KCNIP4: variants seen among roughly 807,000 people sequenced by gnomAD.
KCNIP4 encodes the protein potassium voltage-gated channel interacting protein 4.
A neutral mutation model predicts 34.0 loss-of-function variants in KCNIP4; 12 were observed. The ratio of observed to expected loss-of-function variants is 0.35; its 90% CI spans 0.23 to 0.57. The LOEUF (loss-of-function observed/expected upper bound fraction) is 0.57, where lower values mean the gene tolerates loss of function less well. Ranked by LOEUF, KCNIP4 falls within the 20% of genes least tolerant of loss-of-function variation. The probability of loss-of-function intolerance (pLI) is 0.83; values close to 1 mark genes in which losing one functional copy is unlikely to be tolerated. For missense variants in KCNIP4, 238 were observed against 311.7 expected, an observed-to-expected ratio of 0.76 and a Z score of 1.78; for synonymous variants, 124 against 102.2, an observed-to-expected ratio of 1.21 and a Z score of -1.29.
intron 1 of KCNIP4, among the ~76,000 whole-genome samples, chr4:21,568,860 T>C (rs1246059476): frequency 6.6e-6 from 1 of 152,100 alleles, no homozygotes; most frequent in Non-Finnish European, 1.5e-5. Context: ...CCTCTTCATA[T>C]ATTCATCTAT....
intron 1 of KCNIP4, among the ~76,000 whole-genome samples, chr4:21,725,086 G>T (rs907079865): frequency 6.6e-6 from 1 of 152,054 alleles, no homozygotes; most frequent in African/African-American, 2.4e-5. Context: ...GTAAATTTGG[G>T]ATATTATTTG....
At chr4:21,613,506 CCCCTGT>C (rs1470580714) in intron 1 of KCNIP4, 2 of 152,168 alleles carry the variant, frequency 1.3e-5, no homozygotes, top group African/African-American at 4.8e-5. Flanking sequence ...TCATGAGAGA[CCCCTGT>C]CCAGAAGAAC....
At chr4:21,908,894 T>C (rs1434380458) in intron 1 of KCNIP4, among the ~76,000 whole-genome samples, 1 of 152,164 alleles carries the variant, frequency 6.6e-6, no homozygotes, top group Non-Finnish European at 1.5e-5. Context: ...GGATCAAGCA[T>C]CAAAGTCAAC....
intron 3 of KCNIP4, among the ~76,000 whole-genome samples, chr4:20,768,264 A>G (rs1187384332): frequency 6.6e-6 from 1 of 152,186 alleles, no homozygotes; most frequent in African/African-American, 2.4e-5. Flanking sequence ...ATTTGCTCTG[A>G]TAATGTCCTT....
At chr4:21,179,720 T>G (rs2109319166) in intron 1 of KCNIP4, among the ~76,000 whole-genome samples, 1 of 152,306 alleles carries the variant, frequency 6.6e-6, no homozygotes, top group Middle Eastern at 3.4e-3. Context: ...TCTTTGAATT[T>G]CCTTGTATTC....
chr4:20,945,094 C>T (rs1732054766), intron 1 of KCNIP4, among the ~76,000 whole-genome samples: 1 of 152,168 alleles, frequency 6.6e-6, no homozygotes, highest in Non-Finnish European at 1.5e-5. Flanking sequence ...GTTCCAATGT[C>T]TCACTCTCCA....
At chr4:21,039,302 G>A (rs552366760) in intron 1 of KCNIP4, among the ~76,000 whole-genome samples, 1 of 151,898 alleles carries the variant, frequency 6.6e-6, no homozygotes, top group East Asian at 1.9e-4. Context: ...CAAGGGAGGT[G>A]GAGGTTGTAG....
intron 1 of KCNIP4, among the ~76,000 whole-genome samples, chr4:21,446,792 A>T (rs1292930426): frequency 6.6e-6 from 1 of 152,172 alleles, no homozygotes; most frequent in Admixed American, 6.5e-5. Context: ...AACATAAAAA[A>T]AAACTTATTT....
At chr4:21,823,024 A>C (rs1722458105) in intron 1 of KCNIP4, among the ~76,000 whole-genome samples, 1 of 152,062 alleles carries the variant, frequency 6.6e-6, no homozygotes, top group Non-Finnish European at 1.5e-5. Flanking sequence ...TTTTTACATA[A>C]ATAAAATATT....
intron 1 of KCNIP4, among the ~76,000 whole-genome samples, chr4:20,909,432 C>A (rs566183038): frequency 6.6e-6 from 1 of 152,228 alleles, no homozygotes; most frequent in East Asian, 1.9e-4. Flanking sequence ...ACCCCAGCAT[C>A]TTGAGATTTT....
chr4:21,923,721 T>G (rs1729073368), intron 1 of KCNIP4, among the ~76,000 whole-genome samples: 1 of 152,218 alleles, frequency 6.6e-6, no homozygotes, highest in African/African-American at 2.4e-5. Context: ...CTCATCCTTC[T>G]CTGACTACAC....
chr4:20,926,521 G>A (rs1729912112), intron 1 of KCNIP4, among the ~76,000 whole-genome samples: 1 of 152,192 alleles, frequency 6.6e-6, no homozygotes, highest in South Asian at 2.1e-4. Flanking sequence ...CATTCATGAA[G>A]AGTGCTGTTT....
intron 1 of KCNIP4, among the ~76,000 whole-genome samples, chr4:21,056,279 C>A (rs900826649): frequency 1.3e-5 from 2 of 152,094 alleles, no homozygotes; most frequent in Non-Finnish European, 2.9e-5. Context: ...CAAAAAAAAG[C>A]CTTGAAATTT....
At chr4:21,172,065 T>C (rs1754058253) in intron 1 of KCNIP4, among the ~76,000 whole-genome samples, 1 of 152,198 alleles carries the variant, frequency 6.6e-6, no homozygotes, top group South Asian at 2.1e-4. Context: ...TCTCACTCTG[T>C]TGCCAAGGCT....
intron 1 of KCNIP4, among the ~76,000 whole-genome samples, chr4:21,856,441 G>A (rs779570310): frequency 5.3e-4 from 80 of 152,274 alleles, no homozygotes; most frequent in Admixed American, 1.2e-3. Context: ...CCATGATGCC[G>A]CATGCGGCGG....
At chr4:21,483,850 GTC>G (rs1274862563) in intron 1 of KCNIP4, among the ~76,000 whole-genome samples, 1 of 151,814 alleles carries the variant, frequency 6.6e-6, no homozygotes, top group South Asian at 2.1e-4. Flanking sequence ...TACCTCCCCT[GTC>G]TCTCTCTTCC....
At chr4:21,273,332 C>G (rs1425344) in intron 1 of KCNIP4, among the ~76,000 whole-genome samples, 39,014 of 151,980 alleles carry the variant, frequency 0.26, 5,199 homozygotes, top group South Asian at 0.35. Flanking sequence ...ACAGTATGTT[C>G]GGAGGAGGCA....
chr4:21,127,211 G>A (rs563495743), intron 1 of KCNIP4, among the ~76,000 whole-genome samples: 1 of 152,248 alleles, frequency 6.6e-6, no homozygotes, highest in South Asian at 2.1e-4. Flanking sequence ...TTCTCTTACA[G>A]GGCAATTGCT....
At chr4:21,761,173 C>T (rs1332977949) in intron 1 of KCNIP4, among the ~76,000 whole-genome samples, 1 of 152,092 alleles carries the variant, frequency 6.6e-6, no homozygotes, top group Non-Finnish European at 1.5e-5. Flanking sequence ...ATGATCATAA[C>T]TCACTATAGC....
Sources: allele counts gnomAD v4.1 joint callset (sites outside exome capture counted in the v4.1 genomes callset), GRCh38; gene constraint gnomAD v4.1.1; transcripts MANE v1.5; gene names NCBI Gene and HGNC (gene_info 2026-07-23, HGNC 2026-07-21).